The following DDX24 variants were observed in gnomAD, a reference collection of about 807,000 sequenced individuals.
DDX24 encodes the protein ATP-dependent RNA helicase DDX24.
In DDX24, 24 loss-of-function variants were observed where a neutral mutation model predicts 68.9. The ratio of observed to expected loss-of-function variants is 0.35; its 90% CI spans 0.25 to 0.49. The LOEUF (loss-of-function observed/expected upper bound fraction) is 0.49, where lower values mean the gene tolerates loss of function less well. DDX24 is among the 20% of genes least tolerant of loss of function. The pLI, the probability that DDX24 is intolerant of heterozygous loss-of-function variation, is 0.99. For synonymous variants in DDX24, 395 were observed against 385.2 expected, an observed-to-expected ratio of 1.03 and a Z score of -0.30; for missense variants, 989 against 1,039.0, an observed-to-expected ratio of 0.95 and a Z score of 0.66.
At chr14:94,063,091 A>C (rs1472972606) in intron 2 of DDX24, among the ~76,000 whole-genome samples, 1 of 152,236 alleles carries the variant, frequency 6.6e-6, no homozygotes, top group Non-Finnish European at 1.5e-5. Flanking sequence ...CAGAGTCCAA[A>C]TCATCTGGGT....
In DDX24 at chr14:94,050,971, C is replaced by CT. The variant is rs764464309; in HGVS notation, c.*219dup. ...AAATCAAGTTTAACACACAAGAAGCCTATAAACACTGCAATACAGAAAAAT... is the reference window on the plus strand; with the variant it reads ...AAATCAAGTTTAACACACAAGAAGCCTTATAAACACTGCAATACAGAAAAAT... On this transcript the variant is annotated 3_prime_UTR_variant, in exon 9 of 9. Coordinates refer to ENST00000621632, the MANE Select transcript of DDX24 (RefSeq NM_020414.4). 8.2e-5 allele frequency: 35 copies of CT among 428,286 alleles called. No homozygotes were observed. Among genetic ancestry groups the CT allele is most frequent in the Non-Finnish European group, 1.3e-4 (33 of 246,960 alleles). 26.5% of individuals were successfully genotyped at this position (428,286 alleles called of 1,614,324 possible). A position where few individuals can be genotyped will look rare whatever the true frequency, so the allele number is the denominator to read the frequency against.
chr14:94,055,484 C>A (rs761772311), intron 6 of DDX24: 64 of 400,750 alleles, frequency 1.6e-4, no homozygotes, highest in Non-Finnish European at 2.5e-4. Flanking sequence ...CAGCCCAGCT[C>A]CACAGACCAT....
Position 94,048,464 on chromosome 14 carries a change from A to G in DDX24, c.*2727T>C, listed in dbSNP as rs1012081717. The G allele has an allele frequency of 6.6e-6, 1 of 152,198 alleles. No homozygotes were observed. The highest frequency in any genetic ancestry group is 2.4e-5 in the African/African-American group (1 of 41,450). The allele number at this position is 152,198 out of a possible 1,614,324, so 9.4% of individuals were successfully genotyped here. On this transcript the variant is annotated 3_prime_UTR_variant, in exon 9 of 9. Transcript: ENST00000621632. ...AGGGTTCTAACTTCAGCATTCACTTACTAGCTGTATGATCTTGGCCAAGTC... is the reference window on the plus strand; with the variant it reads ...AGGGTTCTAACTTCAGCATTCACTTGCTAGCTGTATGATCTTGGCCAAGTC...
chr14:94,052,881 G>C, intron 8 of DDX24, 117 bp downstream of exon 8: 2 of 1,400,796 alleles, frequency 1.4e-6, no homozygotes, highest in East Asian at 2.4e-5. Context: ...TAGCAAAGAG[G>C]GGGAAGGACG....
At chr14:94,054,415 C>A (rs944887002) in intron 7 of DDX24, among the ~76,000 whole-genome samples, 1 of 152,194 alleles carries the variant, frequency 6.6e-6, no homozygotes, top group African/African-American at 2.4e-5. Context: ...CAGCAGGAAG[C>A]TGGGATAGAA....
Position 94,057,856 on chromosome 14 carries a change from T to G in DDX24, c.1955A>C (p.Asp652Ala). Residue 652 changes from aspartate to alanine, a missense_variant, in exon 6 of 9, where the codon GAT becomes GCT. By Grantham distance (126) the Asp-to-Ala change is moderately radical. This residue lies in a region of DDX24 where 691 missense variants were observed against 760.0 expected (regional missense o/e 0.91). Transcript: ENST00000621632. The part of the protein sequence containing the change: ...LATDVAARGL[D>A]IPKVQHVIHY... ...GATGACATGCTGGACTTTAGGAATA[T>G]CCAGACCCCGAGCTGCCACATCTGT... 6.2e-7 allele frequency: 1 copy of G among 1,613,956 alleles called. No individual in the cohort carries two copies. The highest frequency in any genetic ancestry group is 8.5e-7 in the Non-Finnish European group (1 of 1,179,958).
At chr14:94,073,987 G>A (rs1340138159) in intron 2 of DDX24, among the ~76,000 whole-genome samples, 3 of 149,970 alleles carry the variant, frequency 2.0e-5, no homozygotes, top group African/African-American at 7.4e-5. Context: ...AGCTTGCAGT[G>A]AGCTGAGATC....
At chr14:94,061,147 T>G in intron 3 of DDX24, 81 bp from the exon 4 acceptor site, 1 of 1,511,088 alleles carries the variant, frequency 6.6e-7, no homozygotes, top group Non-Finnish European at 9.1e-7. Context: ...CACCCCAGAT[T>G]AGCAGAGACA....
chr14:94,080,004 C>A (rs116308332), intron 1 of DDX24, among the ~76,000 whole-genome samples: 2,450 of 152,286 alleles, frequency 0.016, 73 homozygotes, highest in African/African-American at 0.055. Context: ...ACACTTACTG[C>A]CTGTGTGACC....
Position 94,079,328 on chromosome 14 carries a change from C to A in DDX24, c.415G>T (p.Ala139Ser). The A allele has an allele frequency of 6.2e-7, 1 of 1,614,156 alleles. No individual in the cohort carries two copies. Among genetic ancestry groups the A allele is most frequent in the Non-Finnish European group, 8.5e-7 (1 of 1,180,042 alleles). Residue 139 changes from alanine to serine, a missense_variant, in exon 2 of 9, where the codon GCT (alanine) becomes TCT (serine). Ala to Ser is a moderately conservative substitution (Grantham distance 99, BLOSUM62 1). Transcript: ENST00000621632. ...GDDMVCDDPEAGEMTSENLVQ... is the reference protein window; with the variant it reads ...GDDMVCDDPESGEMTSENLVQ... ...AGGTTTTCTGATGTCATCTCCCCAG[C>A]CTCCGGATCATCACAAACCATGTCA...
intron 7 of DDX24, among the ~76,000 whole-genome samples, chr14:94,053,642 C>T (rs1885437239): frequency 6.6e-6 from 1 of 151,812 alleles, no homozygotes; most frequent in Non-Finnish European, 1.5e-5. Context: ...TGGAGAAACC[C>T]CGTCTCTACT....
chr14:94,053,818 AAAAAATT>A (rs1168915425), intron 7 of DDX24, among the ~76,000 whole-genome samples: 66 of 152,296 alleles, frequency 4.3e-4, no homozygotes, highest in Non-Finnish European at 8.5e-4. Flanking sequence ...CCGTCTCAAA[AAAAAATT>A]AAAAATTAAA....
In DDX24 at chr14:94,059,953, GTGCAAAAAAAAAAAAAGGC is replaced by G. The variant is rs1048730125; in HGVS notation, c.1913+126_1913+144del. The G allele has an allele frequency of 5.3e-6, 5 of 947,284 alleles. No homozygotes were observed. The African/African-American group carries it at 8.7e-5, about 16-fold the overall frequency. 58.7% of individuals were successfully genotyped at this position (947,284 alleles called of 1,614,324 possible). Reference sequence around the variant, plus strand: ...AATGACAGTAACCTTGCCAAATGCTGTGCAAAAAAAAAAAAAGGCTACCTACTACTGAGACAAGGCCCCT... The same window carrying G: ...AATGACAGTAACCTTGCCAAATGCTGTACCTACTACTGAGACAAGGCCCCT... On this transcript the variant is annotated intron_variant, in intron 5 of 8. Coordinates refer to ENST00000621632, the MANE Select transcript of DDX24 (RefSeq NM_020414.4).
Position 94,051,251 on chromosome 14 carries a change from CT to C in DDX24, c.2519del (p.Lys840ArgfsTer94). On this transcript the variant is annotated frameshift_variant, in exon 9 of 9. Transcript: ENST00000621632. LOFTEE classifies it low-confidence loss of function (END_TRUNC). The part of the protein sequence containing the change: ...LSCLSKQKKK[K>X]TKKPKEPQPE... ...GCTGTGGCTCCTTCGGCTTCTTTGT[CT>C]TCTTCTTCTTCTGCTTGGAGAGACA... The C allele has an allele frequency of 6.4e-7, 1 of 1,570,408 alleles. No individual in the cohort carries two copies. Among genetic ancestry groups the C allele is most frequent in the Non-Finnish European group, 8.6e-7 (1 of 1,159,318 alleles).
intron 2 of DDX24, among the ~76,000 whole-genome samples, chr14:94,073,489 A>G (rs1885874449): frequency 6.6e-6 from 1 of 152,202 alleles, no homozygotes; most frequent in Non-Finnish European, 1.5e-5. Context: ...GGAAAGTAAT[A>G]GTATTGAAAA....
rs757763942 is a variant in DDX24, at chr14:94,055,029, G to C, written c.2145C>G (p.Phe715Leu). 1.7e-5 allele frequency: 28 copies of C among 1,614,054 alleles called. No homozygotes were observed. Among genetic ancestry groups the C allele is most frequent in the Non-Finnish European group, 4.2e-6 (5 of 1,180,034 alleles). The stretch of plus-strand genomic sequence containing the variant: ...CATCCATGTATTTTGTCTGCACGGG[G>C]AACAGTGGGATATCCTCATCTTTCT... ...TLKKDEDIPL[F>L]PVQTKYMDVV... The change falls in exon 7 of 9, where the codon TTC becomes TTG. Residue 715 changes from phenylalanine (F) to leucine (L), a missense_variant. Physicochemically the swap from Phe to Leu is conservative, Grantham distance 22. Transcript: ENST00000621632.
chr14:94,075,502 CAAT>C (rs1437260572), intron 2 of DDX24, among the ~76,000 whole-genome samples: 1 of 152,196 alleles, frequency 6.6e-6, no homozygotes, highest in Non-Finnish European at 1.5e-5. Context: ...AAAGTTAACT[CAAT>C]AAGGATCAGA....
rs1377202246 is a variant in DDX24 at position 94,049,062 on chromosome 14, C to G, written c.*2129G>C. ...CTTGTTTAATGGCAGATCCAGGACA[C>G]TCCGGAAGCTCTGCCCACCAACTTC... On this transcript the variant is annotated 3_prime_UTR_variant, in exon 9 of 9. Coordinates refer to ENST00000621632, the MANE Select transcript of DDX24 (RefSeq NM_020414.4). 1.3e-5 allele frequency: 2 copies of G among 152,262 alleles called. No individual in the cohort carries two copies. Among genetic ancestry groups the G allele is most frequent in the African/African-American group, 4.8e-5 (2 of 41,452 alleles). The allele number at this position is 152,262 out of a possible 1,614,324, so 9.4% of individuals were successfully genotyped here. A position where few individuals can be genotyped will look rare whatever the true frequency, so the allele number is the denominator to read the frequency against.
At chr14:94,074,304 A>C (rs140318172) in intron 2 of DDX24, among the ~76,000 whole-genome samples, 1 of 152,188 alleles carries the variant, frequency 6.6e-6, no homozygotes, top group African/African-American at 2.4e-5. Flanking sequence ...TCCCATGAAC[A>C]TAAGTTCAAA....
Sources: gnomAD v4.1 joint callset for allele counts (sites outside exome capture counted in the v4.1 genomes callset) on GRCh38, gnomAD v4.1.1 for gene constraint, gnomAD v4.1.1 regional missense constraint, MANE v1.5 for transcripts, NCBI Gene and HGNC (gene_info 2026-07-23, HGNC 2026-07-21) for gene names.